The following PALD1 variants were observed in gnomAD, a reference collection of about 807,000 sequenced individuals.
PALD1 encodes phosphatase domain containing paladin 1, also known as paladin.
PALD1 carries 57 observed loss-of-function variants against 96.0 expected under a neutral mutation model. That is an observed-to-expected ratio of 0.59 (90% CI 0.48 to 0.74). The LOEUF (loss-of-function observed/expected upper bound fraction) is 0.74. PALD1 is among the 30% of genes least tolerant of loss of function. The pLI is 0.00. For synonymous variants in PALD1, 464 were observed against 473.6 expected, an observed-to-expected ratio of 0.98 and a Z score of 0.26; for missense variants, 1,063 against 1,143.7, an observed-to-expected ratio of 0.93 and a Z score of 1.02.
At chr10:70,494,153 CAG>C (rs545337792) in intron 1 of PALD1, among the ~76,000 whole-genome samples, 3 of 152,192 alleles carry the variant, frequency 2.0e-5, no homozygotes, top group Non-Finnish European at 4.4e-5. Flanking sequence ...CCTTTTTCTC[CAG>C]AGAGCCACAG....
At chr10:70,514,286 TGCCCCCC>T (rs1393400800) in intron 1 of PALD1, among the ~76,000 whole-genome samples, 1 of 152,168 alleles carries the variant, frequency 6.6e-6, no homozygotes, top group Admixed American at 6.5e-5. Context: ...AAGTCAGGGC[TGCCCCCC>T]GCAGTGGCAG....
chr10:70,517,715 T>A (rs1197199157), intron 1 of PALD1, among the ~76,000 whole-genome samples: 2 of 152,070 alleles, frequency 1.3e-5, no homozygotes, highest in Non-Finnish European at 1.5e-5. Flanking sequence ...CCCCAGCAGT[T>A]CCATCCCCTA....
chr10:70,510,674 T>C (rs902175622), intron 1 of PALD1, among the ~76,000 whole-genome samples: 1 of 152,198 alleles, frequency 6.6e-6, no homozygotes, highest in African/African-American at 2.4e-5. Context: ...ACCTTCTCGC[T>C]TCCCAGGGAC....
At position 70,534,556 on chromosome 10, in the gene PALD1, G is replaced by A. The variant is rs527855926; in HGVS notation, c.1122+32G>A. On this transcript the variant is annotated intron_variant, in intron 9 of 19. Coordinates refer to ENST00000263563, the MANE Select transcript of PALD1 (RefSeq NM_014431.3). ...GAGGGACAGCAAAGGGCTGGGGCAG[G>A]GGTGGTGGAGGGGACGGTCACTCCT... 31 of 1,484,150 alleles carry A rather than the reference G, an allele frequency of 2.1e-5. No homozygotes were observed. The East Asian group carries it at 6.6e-4, about 32-fold the overall frequency. The allele number at this position is 1,484,150 out of a possible 1,614,324, so 91.9% of individuals were successfully genotyped here.
At chr10:70,551,331 T>C (rs1847473590) in intron 18 of PALD1, among the ~76,000 whole-genome samples, 1 of 152,126 alleles carries the variant, frequency 6.6e-6, no homozygotes, top group Non-Finnish European at 1.5e-5. Context: ...TCCAGCAGGG[T>C]CTGTGGTTCT....
intron 1 of PALD1, among the ~76,000 whole-genome samples, chr10:70,507,971 G>A (rs1846427083): frequency 6.6e-6 from 1 of 152,208 alleles, no homozygotes; most frequent in African/African-American, 2.4e-5. Flanking sequence ...GGTCCCCAGG[G>A]AGACCCCTGT....
intron 18 of PALD1, among the ~76,000 whole-genome samples, chr10:70,560,558 G>A (rs1272521428): frequency 6.6e-6 from 1 of 152,014 alleles, no homozygotes; most frequent in African/African-American, 2.4e-5. Context: ...AGGATGTGAC[G>A]CGCTCGGCCC....
chr10:70,538,222 G>C, intron 11 of PALD1, 58 bp from the exon 12 acceptor site: 2 of 1,579,716 alleles, frequency 1.3e-6, no homozygotes, highest in South Asian at 2.2e-5. Flanking sequence ...TGTGGGCAGG[G>C]AGGGTTCAGG....
At chr10:70,527,338 C>T (rs75771842) in intron 2 of PALD1, among the ~76,000 whole-genome samples, 7,619 of 152,276 alleles carry the variant, frequency 0.05, 454 homozygotes, top group African/African-American at 0.14. Context: ...CTGGAGCCAG[C>T]CATGAGCACA....
chr10:70,534,428 T>G lies in PALD1; in HGVS notation c.1026T>G (p.Ala342=), dbSNP rs1847065053. ...TGTACTGACCCTGCCTCGACAGGGC[T>G]GCCCCCACGCAGGCCAAGCCCCTGC... is the stretch of plus-strand genomic sequence containing the variant. The part of the protein sequence containing the change: ...HRSGTTSQPE[A]APTQAKPLPM... Residue 342 remains alanine, a synonymous_variant, in exon 9 of 20, where the codon GCT becomes GCG. Coordinates refer to ENST00000263563, the MANE Select transcript of PALD1 (RefSeq NM_014431.3). The G allele has an allele frequency of 6.2e-7, 1 of 1,607,416 alleles. No individual in the cohort carries two copies. Among genetic ancestry groups the G allele is most frequent in the Middle Eastern group, 1.7e-4 (1 of 6,016 alleles).
chr10:70,546,906 A>G (rs1847376463), intron 17 of PALD1, among the ~76,000 whole-genome samples: 1 of 152,172 alleles, frequency 6.6e-6, no homozygotes, highest in African/African-American at 2.4e-5. Context: ...AGCCCTGATC[A>G]TGCCACTGCA....
In PALD1 at chr10:70,541,454, T is replaced by G. The variant is rs781510707; in HGVS notation, c.2050-9T>G. The G allele has an allele frequency of 4.3e-6, 7 of 1,612,682 alleles. No homozygotes were observed. The South Asian group carries it at 7.7e-5, about 18-fold the overall frequency. ...GGGGGCTTCTGTCTCAGCAGCTGTC[T>G]TCCCTCAGGGCTTCCCCGAGGTGGG... On this transcript the variant is annotated splice_polypyrimidine_tract_variant and intron_variant, in intron 16 of 19. Transcript: ENST00000263563.
At chr10:70,500,371 C>G (rs1339323217) in intron 1 of PALD1, among the ~76,000 whole-genome samples, 1 of 152,158 alleles carries the variant, frequency 6.6e-6, no homozygotes, top group East Asian at 1.9e-4. Context: ...GGCAGCACAT[C>G]ACACCCCGCA....
At chr10:70,562,015 A>T (rs1847748259) in intron 18 of PALD1, among the ~76,000 whole-genome samples, 1 of 152,234 alleles carries the variant, frequency 6.6e-6, no homozygotes, top group Non-Finnish European at 1.5e-5. Flanking sequence ...GGTGATGGGC[A>T]CGGTGTAGTG....
chr10:70,542,487 A>G (rs12415578), intron 17 of PALD1, among the ~76,000 whole-genome samples: 23,923 of 152,170 alleles, frequency 0.16, 2,306 homozygotes, highest in Admixed American at 0.22. Context: ...GTCTCAATGG[A>G]TGTGACTACT....
Position 70,539,161 on chromosome 10 carries a change from C to G in PALD1, c.1639C>G (p.Leu547Val). 6.2e-7 allele frequency: 1 copy of G among 1,613,540 alleles called. No individual in the cohort carries two copies. Among genetic ancestry groups the G allele is most frequent in the South Asian group, 1.1e-5 (1 of 90,990 alleles). The change falls in exon 14 of 20, where the codon CTT becomes GTT. Residue 547 changes from leucine (L) to valine (V), a missense_variant. Physicochemically the swap from Leu to Val is conservative, Grantham distance 32. Transcript: ENST00000263563. The surrounding 1 kb of genome is among the most constrained non-coding windows in gnomAD (Gnocchi z 4.5). Reference protein sequence around the residue: ...RRLRKVVWVSLREEAVLECDG... With the variant: ...RRLRKVVWVSVREEAVLECDG... ...GCTGCGGAAGGTTGTCTGGGTGAGC[C>G]TTCGGGAGGAGGCCGTGTTGGAGTG...
At chr10:70,509,271 G>T (rs1389710135) in intron 1 of PALD1, among the ~76,000 whole-genome samples, 1 of 152,202 alleles carries the variant, frequency 6.6e-6, no homozygotes, top group Non-Finnish European at 1.5e-5. Context: ...CAGGTGAAGT[G>T]CAGGAAGAGC....
chr10:70,519,732 G>A (rs895899124), intron 1 of PALD1, among the ~76,000 whole-genome samples: 8 of 151,894 alleles, frequency 5.3e-5, no homozygotes, highest in Non-Finnish European at 7.4e-5. Flanking sequence ...GTGCTACCAC[G>A]CCGGGCTAAT....
intron 1 of PALD1, among the ~76,000 whole-genome samples, chr10:70,509,053 G>A (rs998252039): frequency 1.6e-4 from 25 of 152,254 alleles, no homozygotes; most frequent in Admixed American, 2.6e-4. Context: ...GCCCTCTGCC[G>A]TCCCCCAGAG....
Sources: allele counts gnomAD v4.1 joint callset (sites outside exome capture counted in the v4.1 genomes callset), GRCh38; gene constraint gnomAD v4.1.1; non-coding constraint Gnocchi (gnomAD v3.1); transcripts MANE v1.5; gene names NCBI Gene and HGNC (gene_info 2026-07-23, HGNC 2026-07-21).